Variants in XIRP2 observed in about 807,000 individuals in gnomAD.
XIRP2 encodes the protein xin actin binding repeat containing 2, also known as xin actin-binding repeat-containing protein 2.
A neutral mutation model predicts 277.0 loss-of-function variants in XIRP2; 236 were observed. The ratio of observed to expected loss-of-function variants is 0.85; its 90% CI spans 0.77 to 0.95. XIRP2 has a LOEUF of 0.95. Ranked by LOEUF, XIRP2 falls within the 40% of genes least tolerant of loss-of-function variation. The pLI is 0.00. For missense variants in XIRP2, 4,640 were observed against 4,157.5 expected (o/e 1.12, Z -3.19); for synonymous variants, 1,490 against 1,416.5 (o/e 1.05, Z -1.17).
At chr2:167,067,815 A>G (rs1689337341) in intron 2 of XIRP2, among the ~76,000 whole-genome samples, 1 of 152,200 alleles carries the variant, frequency 6.6e-6, no homozygotes, top group South Asian at 2.1e-4. Context: ...TCTTGAAACT[A>G]TGAAGACATT....
rs202096194 is a variant in XIRP2 at position 167,243,979 on chromosome 2, C to T, written c.2587C>T (p.Gln863Ter). 102 of 1,613,960 alleles carry T rather than the reference C, an allele frequency of 6.3e-5. 2 individuals are homozygous for T. The Admixed American group carries it at 1.6e-3, about 26-fold the overall frequency. The change falls in exon 9 of 11, where the codon CAA (glutamine) becomes TAA (stop). Residue 863 changes from glutamine to a stop codon, truncating the protein, a stop_gained. Transcript: ENST00000409195. LOFTEE classifies it high-confidence loss of function. ...LKEVPDADSL[Q>*]REEIIGGDVQ... is the part of the protein sequence containing the mutation. ...AGAAGTTCCTGATGCAGATTCTCTA[C>T]AACGTGAGGAGATAATAGGTGGTGA...
intron 3 of XIRP2, among the ~76,000 whole-genome samples, chr2:167,200,097 C>T (rs1369724246): frequency 6.6e-6 from 1 of 152,142 alleles, no homozygotes; most frequent in Non-Finnish European, 1.5e-5. Flanking sequence ...AAAGGAGATG[C>T]GTATTCAAAC....
Position 167,250,142 on chromosome 2 carries a change from A to T in XIRP2, c.8750A>T (p.Lys2917Met), listed in dbSNP as rs1182316983. The stretch of plus-strand genomic sequence containing the variant: ...GTCTTCTCTAATACTAAAGATTCAA[A>T]GCAAGAGATTACACAGAACAAATCT... ...KQVFSNTKDS[K>M]QEITQNKSFF... Residue 2917 changes from lysine (K) to methionine (M), a missense_variant, in exon 9 of 11, where the codon AAG (lysine) becomes ATG (methionine). Coordinates refer to ENST00000409195, the MANE Select transcript of XIRP2 (RefSeq NM_152381.6). The T allele has an allele frequency of 6.2e-7, 1 of 1,613,282 alleles. No individual in the cohort carries two copies. The highest frequency in any genetic ancestry group is 8.5e-7 in the Non-Finnish European group (1 of 1,179,618).
At chr2:167,036,361 C>T (rs941204181) in intron 2 of XIRP2, among the ~76,000 whole-genome samples, 1 of 152,194 alleles carries the variant, frequency 6.6e-6, no homozygotes, top group African/African-American at 2.4e-5. Flanking sequence ...CTCCCCAAGA[C>T]CATGGGAATC....
intron 2 of XIRP2, among the ~76,000 whole-genome samples, chr2:167,071,411 A>G (rs1036964774): frequency 6.6e-6 from 1 of 152,182 alleles, no homozygotes; most frequent in African/African-American, 2.4e-5. Context: ...CCTAAGATGT[A>G]TATACTATTA....
chr2:167,213,193 A>G (rs1254698389), intron 4 of XIRP2, among the ~76,000 whole-genome samples: 1 of 152,184 alleles, frequency 6.6e-6, no homozygotes, highest in East Asian at 1.9e-4. Flanking sequence ...GAGAAGTAAC[A>G]CTTGTTGAGC....
chr2:167,058,210 GCAC>G (rs1442306909), intron 2 of XIRP2, among the ~76,000 whole-genome samples: 1 of 151,638 alleles, frequency 6.6e-6, no homozygotes, highest in Non-Finnish European at 1.5e-5. Flanking sequence ...CTACAGAAAG[GCAC>G]CACCATGTTT....
chr2:166,894,334 T>C (rs536997413), intron 1 of XIRP2, among the ~76,000 whole-genome samples: 22 of 152,272 alleles, frequency 1.4e-4, no homozygotes, highest in African/African-American at 5.3e-4. Context: ...GCAGATCACC[T>C]GGCAGGAACG....
intron 3 of XIRP2, among the ~76,000 whole-genome samples, chr2:167,188,649 G>A (rs1693233917): frequency 6.6e-6 from 1 of 152,192 alleles, no homozygotes; most frequent in Admixed American, 6.5e-5. Context: ...CTATGCTTAA[G>A]TATTTCTCTG....
intron 1 of XIRP2, among the ~76,000 whole-genome samples, chr2:166,900,825 CT>C (rs1462137422): frequency 6.6e-6 from 1 of 152,094 alleles, no homozygotes; most frequent in Non-Finnish European, 1.5e-5. Flanking sequence ...GCTCTGTCCT[CT>C]GACACACAAA....
At chr2:167,220,411 T>C (rs1694386556) in intron 5 of XIRP2, among the ~76,000 whole-genome samples, 1 of 152,198 alleles carries the variant, frequency 6.6e-6, no homozygotes, top group African/African-American at 2.4e-5. Flanking sequence ...ATCCACCCCA[T>C]GGATTTGTTT....
rs760879462 is a variant in XIRP2 at position 167,251,890 on chromosome 2, G to C, written c.10498G>C (p.Asp3500His). Residue 3500 changes from aspartate (D) to histidine (H), a missense_variant, in exon 9 of 11, where the codon GAT becomes CAT. By Grantham distance (81) the Asp-to-His change is moderately conservative. Coordinates refer to ENST00000409195, the MANE Select transcript of XIRP2 (RefSeq NM_152381.6). ...VFKGLGYATA[D>H]ASATEMRTTF... ...TAAAGGCCTGGGATATGCAACCGCA[G>C]ATGCTTCTGCAACTGAGATGAGAAC... The C allele has an allele frequency of 2.9e-5, 46 of 1,599,480 alleles. No homozygotes were observed. The Middle Eastern group carries it at 8.4e-4, about 29-fold the overall frequency.
In XIRP2 at chr2:167,243,712, T is replaced by C. The variant is rs1398720080; in HGVS notation, c.2320T>C (p.Phe774Leu). 1.2e-6 allele frequency: 2 copies of C among 1,613,900 alleles called. No homozygotes were observed. The highest frequency in any genetic ancestry group is 2.7e-5 in the African/African-American group (2 of 74,910). ...KGDVRTARWM[F>L]ETQPLDTINK... Reference sequence around the variant, plus strand: ...AGATGTAAGAACAGCACGGTGGATGTTTGAAACACAGCCGTTGGACACAAT... The same window carrying C: ...AGATGTAAGAACAGCACGGTGGATGCTTGAAACACAGCCGTTGGACACAAT... The change falls in exon 9 of 11, where the codon TTT becomes CTT. Residue 774 changes from phenylalanine (F) to leucine (L), a missense_variant. Phe to Leu is a conservative substitution (Grantham distance 22, BLOSUM62 0). Transcript: ENST00000409195.
chr2:166,955,563 T>C (rs540700042), intron 2 of XIRP2, among the ~76,000 whole-genome samples: 2 of 151,982 alleles, frequency 1.3e-5, no homozygotes, highest in East Asian at 1.9e-4. Flanking sequence ...AATAAGTACA[T>C]TATATGTTTT....
intron 2 of XIRP2, among the ~76,000 whole-genome samples, chr2:166,982,069 T>C (rs1343380816): frequency 6.6e-6 from 1 of 152,136 alleles, no homozygotes; most frequent in African/African-American, 2.4e-5. Flanking sequence ...TTTCTTTTAC[T>C]TGAAAATGTC....
At chr2:167,070,592 C>T (rs1262989902) in intron 2 of XIRP2, among the ~76,000 whole-genome samples, 1 of 152,036 alleles carries the variant, frequency 6.6e-6, no homozygotes, top group South Asian at 2.1e-4. Context: ...TTTAAAATGG[C>T]CATAGTAGCT....
intron 3 of XIRP2, among the ~76,000 whole-genome samples, chr2:167,185,115 G>A (rs979652348): frequency 6.6e-5 from 10 of 152,002 alleles, no homozygotes; most frequent in African/African-American, 2.4e-5. Context: ...CAGAATCTAG[G>A]TCCTGATGTT....
At chr2:167,157,973 A>G (rs1194054979) in intron 3 of XIRP2, among the ~76,000 whole-genome samples, 1 of 152,208 alleles carries the variant, frequency 6.6e-6, no homozygotes, top group Non-Finnish European at 1.5e-5. Flanking sequence ...TCCACTGAAA[A>G]TAAAAGGCAT....
At chr2:167,006,217 G>C (rs1230031002) in intron 2 of XIRP2, among the ~76,000 whole-genome samples, 1 of 151,644 alleles carries the variant, frequency 6.6e-6, no homozygotes, top group Admixed American at 6.6e-5. Context: ...TAAGATACTT[G>C]GATATGAAAT....
Sources: allele counts gnomAD v4.1 joint callset (sites outside exome capture counted in the v4.1 genomes callset), GRCh38; gene constraint gnomAD v4.1.1; transcripts MANE v1.5; gene names NCBI Gene and HGNC (gene_info 2026-07-23, HGNC 2026-07-21).